ARHGAP35: variants seen among roughly 807,000 people sequenced by gnomAD.
ARHGAP35 encodes rho GTPase-activating protein 35.
In ARHGAP35, 15 loss-of-function variants were observed where a neutral mutation model predicts 111.1. The observed-to-expected ratio is 0.13, with a 90% CI of 0.09 to 0.21. The LOEUF (loss-of-function observed/expected upper bound fraction) is 0.21. ARHGAP35 is among the 10% of genes least tolerant of loss of function. The pLI, the probability that ARHGAP35 is intolerant of heterozygous loss-of-function variation, is 1.00. For missense variants in ARHGAP35, 1,262 were observed against 1,873.0 expected (o/e 0.67, Z 6.02); for synonymous variants, 643 against 710.3 (o/e 0.91, Z 1.51).
rs1263796551 is a variant in ARHGAP35, at chr19:46,994,744, A to C, written c.4037-4560A>C. On this transcript the variant is annotated intron_variant, in intron 5 of 6. Transcript: ENST00000672722. This position sits in a 1 kb window ranked among gnomAD's most constrained non-coding sequence, Gnocchi z 5.4. ...GCAGGGAATTTGGTTTTTGTCCCCT[A>C]CTGCATCCCCAGTGTGTAAAATAGT... Among the ~76,000 whole-genome samples, 4 of 152,074 alleles carry C rather than the reference A, an allele frequency of 2.6e-5. No homozygotes were observed. Among genetic ancestry groups the C allele is most frequent in the African/African-American group, 9.7e-5 (4 of 41,404 alleles).
rs2056683882 is a variant in ARHGAP35, at chr19:46,992,380, A to C, written c.4036+2705A>C. Among the ~76,000 whole-genome samples, 1 of 152,176 alleles carries C rather than the reference A, an allele frequency of 6.6e-6. No homozygotes were observed. Among genetic ancestry groups the C allele is most frequent in the South Asian group, 2.1e-4 (1 of 4,830 alleles). ...AGCAAAGCTGAGCTTGAAGTGCACA[A>C]ACCCCAGCAAGGAAGGCGCGAGGAA... On this transcript the variant is annotated intron_variant, in intron 5 of 6. Transcript: ENST00000672722. This position sits in a 1 kb window ranked among gnomAD's most constrained non-coding sequence, Gnocchi z 4.4.
At chr19:46,865,336 TATC>T (rs1188493246) in intron 1 of ARHGAP35, among the ~76,000 whole-genome samples, 3 of 152,202 alleles carry the variant, frequency 2.0e-5, no homozygotes, top group Admixed American at 1.3e-4. Flanking sequence ...TCATTTAAGT[TATC>T]ATCTTGTTTT....
Position 46,909,727 on chromosome 19 carries a change from T to G in ARHGAP35, c.-188-8761T>G, listed in dbSNP as rs117208232. 3.7e-4 allele frequency among the ~76,000 whole-genome samples: 56 copies of G among 152,324 alleles called. No homozygotes were observed. In the East Asian group the frequency reaches 9.8e-3, roughly 27 times the overall value. On this transcript the variant is annotated intron_variant, in intron 1 of 6. Transcript: ENST00000672722. Reference sequence around the variant, plus strand: ...CAAATGTCACTTTCTTTTTTCCCCTTGGCAAATCCTGGTTTTGCATACCAT... The same window carrying G: ...CAAATGTCACTTTCTTTTTTCCCCTGGGCAAATCCTGGTTTTGCATACCAT...
intron 3 of ARHGAP35, among the ~76,000 whole-genome samples, chr19:46,965,193 A>C (rs1265177879): frequency 2.0e-5 from 3 of 152,142 alleles, no homozygotes; most frequent in Non-Finnish European, 4.4e-5. Flanking sequence ...GGTGCCTGTA[A>C]TCCCAGCTAC....
At chr19:46,943,603 G>A (rs2056362131) in intron 3 of ARHGAP35, among the ~76,000 whole-genome samples, 1 of 152,124 alleles carries the variant, frequency 6.6e-6, no homozygotes, top group Admixed American at 6.5e-5. Flanking sequence ...AGTATTCCAG[G>A]CAGGGAGTCC....
chr19:46,862,585 G>A (rs927116687), intron 1 of ARHGAP35, among the ~76,000 whole-genome samples: 2 of 151,558 alleles, frequency 1.3e-5, no homozygotes, highest in East Asian at 1.9e-4. Flanking sequence ...CTTTCTTCTC[G>A]TTTTTTTCAA....
chr19:46,909,013 T>C (rs763500541), intron 1 of ARHGAP35, among the ~76,000 whole-genome samples: 6 of 152,066 alleles, frequency 3.9e-5, no homozygotes, highest in Non-Finnish European at 5.9e-5. Flanking sequence ...AAATTAACTT[T>C]AGAGCCAAGA....
intron 1 of ARHGAP35, among the ~76,000 whole-genome samples, chr19:46,916,748 G>A (rs1416774714): frequency 6.7e-6 from 1 of 150,022 alleles, no homozygotes; most frequent in South Asian, 2.1e-4. Flanking sequence ...TCAGATTCAT[G>A]TGTTGTTAAC....
chr19:46,940,354 T>G, intron 3 of ARHGAP35, among the ~76,000 whole-genome samples: 1 of 109,480 alleles, frequency 9.1e-6, no homozygotes, highest in African/African-American at 3.9e-5. Context: ...AGCAAAACTG[T>G]GTCTCAAAAA....
chr19:46,991,057 CAG>C (rs1326824536), intron 5 of ARHGAP35, among the ~76,000 whole-genome samples: 1 of 152,124 alleles, frequency 6.6e-6, no homozygotes, highest in Non-Finnish European at 1.5e-5. Flanking sequence ...AGACGGGAGT[CAG>C]GGTTTCTCCA....
Position 46,999,345 on chromosome 19 carries a change from G to A in ARHGAP35, c.4078G>A (p.Val1360Ile). Residue 1360 changes from valine (V) to isoleucine (I), a missense_variant, in exon 6 of 7, where the codon GTA becomes ATA. By Grantham distance (29) the Val-to-Ile change is conservative (BLOSUM62 3). Around this residue, in one of 8 missense-constraint regions of ARHGAP35, gnomAD observed 50 missense variants for 60.5 expected, o/e 0.83. Transcript: ENST00000672722. The surrounding 1 kb of genome is among the most constrained non-coding windows in gnomAD (Gnocchi z 5.4). ...REQKLHALKE[V>I]LKKFPKENHE... ...GCAGAAGTTGCATGCCCTTAAGGAG[G>A]TATTAAAGAAATTTCCAAAGGAAAA... The A allele has an allele frequency of 6.3e-7, 1 of 1,595,914 alleles. No homozygotes were observed. The highest frequency in any genetic ancestry group is 8.5e-7 in the Non-Finnish European group (1 of 1,171,284).
At chr19:46,875,829 G>C (rs986492903) in intron 1 of ARHGAP35, among the ~76,000 whole-genome samples, 1 of 152,106 alleles carries the variant, frequency 6.6e-6, no homozygotes, top group African/African-American at 2.4e-5. Context: ...CTATTGATTT[G>C]TTATCTCTTG....
At chr19:46,966,119 A>T (rs2056513767) in intron 3 of ARHGAP35, among the ~76,000 whole-genome samples, 1 of 152,086 alleles carries the variant, frequency 6.6e-6, no homozygotes, top group South Asian at 2.1e-4. Flanking sequence ...GCCATATGTG[A>T]TATTTTCTAT....
chr19:46,936,778 G>T (rs908207981), intron 2 of ARHGAP35, among the ~76,000 whole-genome samples: 1 of 151,944 alleles, frequency 6.6e-6, no homozygotes, highest in Non-Finnish European at 1.5e-5. Context: ...GGTATTCAGA[G>T]GCCAGAAGAT....
intron 1 of ARHGAP35, among the ~76,000 whole-genome samples, chr19:46,897,188 C>T (rs530062134): frequency 2.6e-5 from 4 of 151,844 alleles, no homozygotes; most frequent in Non-Finnish European, 5.9e-5. Context: ...CGTGAGCCAT[C>T]GCGCCCAGCC....
chr19:46,960,166 G>A (rs144822683), intron 3 of ARHGAP35, among the ~76,000 whole-genome samples: 1 of 151,624 alleles, frequency 6.6e-6, no homozygotes, highest in East Asian at 1.9e-4. Context: ...GTTGAGGAAT[G>A]TGTGCTTATG....
chr19:46,972,195 G>A (rs1047320889), intron 3 of ARHGAP35, among the ~76,000 whole-genome samples: 4 of 152,122 alleles, frequency 2.6e-5, no homozygotes, highest in Non-Finnish European at 5.9e-5. Flanking sequence ...TTTTGTAGTA[G>A]AGATGAGGTT....
rs769595005 is a variant in ARHGAP35 at position 46,888,837 on chromosome 19, C to CAA, written c.-189+27649_-189+27650dup. On this transcript the variant is annotated intron_variant, in intron 1 of 6. Transcript: ENST00000672722. ...TGAAACTCTGTCTCTACTAAAAATA[C>CAA]AAAAAAAAAAAAAAAAAAAAAATTA... is the stretch of plus-strand genomic sequence containing the variant. Among the ~76,000 whole-genome samples, 77 of 57,360 alleles carry CAA rather than the reference C, an allele frequency of 1.3e-3. 1 individual carries two copies. Among genetic ancestry groups the CAA allele is most frequent in the South Asian group, 3.2e-3 (5 of 1,546 alleles). The allele number at this position is 57,360 out of a possible 152,430, so 37.6% of individuals were successfully genotyped here.
Position 46,989,780 on chromosome 19 carries a change from T to A in ARHGAP35, c.4036+105T>A. ...TGGATGCTGGCTGTTAGAGCTGAGG[T>A]TTGAAGGACAGAGGGCAAGGGAATT... On this transcript the variant is annotated intron_variant, in intron 5 of 6. Transcript: ENST00000672722. The surrounding 1 kb of genome is among the most constrained non-coding windows in gnomAD (Gnocchi z 5.3). 2 of 1,550,670 alleles carry A rather than the reference T, an allele frequency of 1.3e-6. No individual in the cohort carries two copies. The highest frequency in any genetic ancestry group is 1.8e-6 in the Non-Finnish European group (2 of 1,141,864).
Sources: allele counts gnomAD v4.1 joint callset (sites outside exome capture counted in the v4.1 genomes callset), GRCh38; gene constraint gnomAD v4.1.1; regional missense constraint gnomAD v4.1.1; non-coding constraint Gnocchi (gnomAD v3.1); transcripts MANE v1.5; gene names NCBI Gene and HGNC (gene_info 2026-07-23, HGNC 2026-07-21).